Variants in ENOX1 observed in about 807,000 individuals in gnomAD.
ENOX1 encodes the protein ecto-NOX disulfide-thiol exchanger 1.
ENOX1 carries 42 observed loss-of-function variants against 82.5 expected under a neutral mutation model. The ratio of observed to expected loss-of-function variants is 0.51; its 90% CI spans 0.40 to 0.66. ENOX1 has a LOEUF of 0.66. Ranked by LOEUF, ENOX1 falls within the 30% of genes least tolerant of loss-of-function variation. The probability of loss-of-function intolerance (pLI) is 0.00; values close to 1 mark genes in which losing one functional copy is unlikely to be tolerated. For missense variants in ENOX1, 608 were observed against 811.6 expected, an observed-to-expected ratio of 0.75 and a Z score of 3.05; for synonymous variants, 271 against 282.2, an observed-to-expected ratio of 0.96 and a Z score of 0.40.
At chr13:43,607,058 TCAA>T (rs2082005183) in intron 2 of ENOX1, among the ~76,000 whole-genome samples, 1 of 152,068 alleles carries the variant, frequency 6.6e-6, no homozygotes, top group Non-Finnish European at 1.5e-5. Context: ...GTGACTACAG[TCAA>T]CAATAATTTA....
In ENOX1 at chr13:43,224,006, C is replaced by T. The variant is rs751964611; in HGVS notation, c.1800+47G>A. 6 of 1,437,698 alleles carry T rather than the reference C, an allele frequency of 4.2e-6. No individual in the cohort carries two copies. The African/African-American group carries it at 8.5e-5, about 20-fold the overall frequency. 89.1% of individuals were successfully genotyped at this position (1,437,698 alleles called of 1,614,324 possible). A position where few individuals can be genotyped will look rare whatever the true frequency, so the allele number is the denominator to read the frequency against. On this transcript the variant is annotated intron_variant, in intron 16 of 16. Transcript: ENST00000690772. ...GAGTCCACCTGCAGGCAGCAATCAA[C>T]ATGCTAAATTTGAGCAACGAAAGTT... is the stretch of plus-strand genomic sequence containing the variant.
intron 2 of ENOX1, among the ~76,000 whole-genome samples, chr13:43,630,222 C>T (rs532262895): frequency 8.5e-5 from 13 of 152,160 alleles, no homozygotes; most frequent in South Asian, 6.2e-4. Context: ...TTTTCAGGGG[C>T]GGAAATAAGC....
intron 3 of ENOX1, among the ~76,000 whole-genome samples, chr13:43,418,716 A>T (rs1211126286): frequency 6.6e-6 from 1 of 152,186 alleles, no homozygotes; most frequent in Non-Finnish European, 1.5e-5. Flanking sequence ...CTGATACACA[A>T]AATGCCAAGG....
intron 3 of ENOX1, among the ~76,000 whole-genome samples, chr13:43,464,303 A>C (rs577938405): frequency 3.9e-5 from 6 of 152,204 alleles, no homozygotes; most frequent in Non-Finnish European, 7.3e-5. Flanking sequence ...AGAGGTCAAC[A>C]GATGATGAAG....
intron 5 of ENOX1, among the ~76,000 whole-genome samples, chr13:43,404,126 C>G (rs1417451809): frequency 6.6e-6 from 1 of 152,108 alleles, no homozygotes; most frequent in East Asian, 1.9e-4. Context: ...CTCTATAAAA[C>G]AAGTCAGATG....
At chr13:43,564,176 AATC>A (rs2079814578) in intron 2 of ENOX1, among the ~76,000 whole-genome samples, 1 of 152,122 alleles carries the variant, frequency 6.6e-6, no homozygotes, top group Non-Finnish European at 1.5e-5. Flanking sequence ...GAAAACTATA[AATC>A]ATTAATGAAA....
intron 1 of ENOX1, among the ~76,000 whole-genome samples, chr13:43,727,460 C>T: frequency 6.6e-6 from 1 of 152,136 alleles, no homozygotes; most frequent in East Asian, 1.9e-4. Flanking sequence ...CTAGGCCATC[C>T]TTACAATGTT....
At chr13:43,522,078 G>A (rs2077793930) in intron 2 of ENOX1, among the ~76,000 whole-genome samples, 1 of 152,084 alleles carries the variant, frequency 6.6e-6, no homozygotes, top group African/African-American at 2.4e-5. Context: ...AATGTCAGAG[G>A]CTGGTGCTCA....
chr13:43,507,019 GAC>G, intron 2 of ENOX1, among the ~76,000 whole-genome samples: 1 of 151,716 alleles, frequency 6.6e-6, no homozygotes, highest in African/African-American at 2.4e-5. Context: ...TTGAGTGATT[GAC>G]AGAATAGAAC....
chr13:43,617,093 C>T (rs2082515492), intron 2 of ENOX1, among the ~76,000 whole-genome samples: 1 of 152,148 alleles, frequency 6.6e-6, no homozygotes, highest in Non-Finnish European at 1.5e-5. Flanking sequence ...AGAGAGAGAT[C>T]TAGAAATTGC....
At chr13:43,614,759 C>T (rs1369219787) in intron 2 of ENOX1, among the ~76,000 whole-genome samples, 2 of 151,964 alleles carry the variant, frequency 1.3e-5, no homozygotes, top group African/African-American at 2.4e-5. Context: ...TGGGAGGAGC[C>T]CCCCATTTCC....
intron 9 of ENOX1, among the ~76,000 whole-genome samples, chr13:43,328,581 T>C (rs561653928): frequency 7.9e-5 from 12 of 152,166 alleles, no homozygotes; most frequent in Admixed American, 3.9e-4. Flanking sequence ...TATCTGTTCA[T>C]AAAAACGTGT....
chr13:43,640,872 A>ACACGCG (rs1163148656), intron 2 of ENOX1, among the ~76,000 whole-genome samples: 139 of 13,024 alleles, frequency 0.011, no homozygotes, highest in Middle Eastern at 0.045. Flanking sequence ...ACACACATGC[A>ACACGCG]CACACACACG....
At chr13:43,576,872 G>A (rs2080450588) in intron 2 of ENOX1, among the ~76,000 whole-genome samples, 1 of 152,208 alleles carries the variant, frequency 6.6e-6, no homozygotes, top group Non-Finnish European at 1.5e-5. Flanking sequence ...CACCCAGCAT[G>A]CTTCCTGACA....
rs2087965519 is a variant in ENOX1, at chr13:43,714,463, T to C, written c.-284-46919A>G. On this transcript the variant is annotated intron_variant, in intron 1 of 16. Transcript: ENST00000690772. ...TGCAGAGCTGAGTTCAATTCCTGGG[T>C]ATCTTTGTTAACTTTCTGTCTCGTT... 2.0e-5 allele frequency among the ~76,000 whole-genome samples: 3 copies of C among 152,152 alleles called. No homozygotes were observed. The South Asian group carries it at 6.2e-4, about 32-fold the overall frequency.
chr13:43,469,003 C>A (rs1333882835), intron 3 of ENOX1, among the ~76,000 whole-genome samples: 1 of 152,094 alleles, frequency 6.6e-6, no homozygotes, highest in East Asian at 1.9e-4. Flanking sequence ...GTCAATAGTA[C>A]ATTATTGACT....
At chr13:43,781,136 GTTGGCTATT>G (rs1952234190) in intron 1 of ENOX1, among the ~76,000 whole-genome samples, 1 of 152,162 alleles carries the variant, frequency 6.6e-6, no homozygotes, top group African/African-American at 2.4e-5. Flanking sequence ...CATTGGCTAA[GTTGGCTATT>G]TTGGCTTAAA....
chr13:43,753,961 A>G (rs61960104), intron 1 of ENOX1, among the ~76,000 whole-genome samples: 1 of 149,038 alleles, frequency 6.7e-6, no homozygotes, highest in African/African-American at 2.5e-5. Context: ...AGAGACATAA[A>G]CTGATGTATT....
chr13:43,604,284 G>T (rs2081880715), intron 2 of ENOX1, among the ~76,000 whole-genome samples: 1 of 151,660 alleles, frequency 6.6e-6, no homozygotes, highest in Admixed American at 6.6e-5. Context: ...CTGGATATTA[G>T]CCCTTTGTCA....
Sources: allele counts gnomAD v4.1 joint callset (sites outside exome capture counted in the v4.1 genomes callset), GRCh38; gene constraint gnomAD v4.1.1; transcripts MANE v1.5; gene names NCBI Gene and HGNC (gene_info 2026-07-23, HGNC 2026-07-21).